Variants in ATXN2 observed in about 807,000 individuals in gnomAD.
ATXN2 encodes ataxin-2.
In ATXN2, 37 loss-of-function variants were observed where a neutral mutation model predicts 138.6. The observed-to-expected ratio is 0.27, with a 90% confidence interval of 0.21 to 0.35. The LOEUF is 0.35. ATXN2 is among the 10% of genes least tolerant of loss of function. The probability of loss-of-function intolerance (pLI) is 1.00; values close to 1 mark genes in which losing one functional copy is unlikely to be tolerated. For missense variants in ATXN2, 1,216 were observed against 1,480.3 expected (o/e 0.82, Z 2.93); for synonymous variants, 549 against 543.7 (o/e 1.01, Z -0.13).
At chr12:111,580,804 G>A (rs1003124197) in intron 1 of ATXN2, among the ~76,000 whole-genome samples, 3 of 151,672 alleles carry the variant, frequency 2.0e-5, no homozygotes, top group Admixed American at 6.6e-5. Context: ...GAGGCAGCGG[G>A]GAGGGGAAAA....
chr12:111,571,328 G>C (rs1218231965), intron 1 of ATXN2, among the ~76,000 whole-genome samples: 2 of 152,214 alleles, frequency 1.3e-5, no homozygotes, highest in East Asian at 3.8e-4. Context: ...CCACAAAACA[G>C]TGTGAGGGAA....
Position 111,453,653 on chromosome 12 carries a change from G to A in ATXN2, c.3439+24C>T, listed in dbSNP as rs370303034. 12 of 1,534,306 alleles carry A rather than the reference G, an allele frequency of 7.8e-6. No homozygotes were observed. Among genetic ancestry groups the A allele is most frequent in the Admixed American group, 2.1e-5 (1 of 47,388 alleles). The stretch of plus-strand genomic sequence containing the variant: ...GCAGAATGCTTTGGGGTGCCCCGGC[G>A]GCCCCTGCACACACACGCCTCACCT... On this transcript the variant is annotated intron_variant, in intron 24 of 24. Transcript: ENST00000673436. The surrounding 1 kb of genome is among the most constrained non-coding windows in gnomAD (Gnocchi z 5.4).
intron 5 of ATXN2, among the ~76,000 whole-genome samples, chr12:111,545,710 G>A (rs1881766600): frequency 6.6e-6 from 1 of 152,162 alleles, no homozygotes; most frequent in Admixed American, 6.5e-5. Flanking sequence ...TGTAATCCCA[G>A]GACTTTGGGA....
At position 111,462,963 on chromosome 12, in the gene ATXN2, CAT is replaced by C. The variant is rs371550351; in HGVS notation, c.2896+1697_2896+1698del. Among the ~76,000 whole-genome samples, 266 of 148,196 alleles carry C rather than the reference CAT, an allele frequency of 1.8e-3. 1 individual carries two copies. Among genetic ancestry groups the C allele is most frequent in the African/African-American group, 4.7e-3 (185 of 39,728 alleles). On this transcript the variant is annotated intron_variant, in intron 21 of 24. Transcript: ENST00000673436. ...CAAATAAATTATATATACACACATACATATATATATATATACACACACACACA... is the reference window on the plus strand; with the variant it reads ...CAAATAAATTATATATACACACATACATATATATATATACACACACACACA...
chr12:111,529,317 T>C (rs1397084202), intron 5 of ATXN2, among the ~76,000 whole-genome samples: 5 of 151,832 alleles, frequency 3.3e-5, no homozygotes, highest in African/African-American at 9.7e-5. Flanking sequence ...AACAAAAGCA[T>C]TGTAACAACA....
Position 111,597,653 on chromosome 12 carries a change from C to T in ATXN2, c.251+1131G>A, listed in dbSNP as rs1372971143. 1.7e-5 allele frequency: 8 copies of T among 458,450 alleles called. No homozygotes were observed. The East Asian group carries it at 2.1e-4, about 12-fold the overall frequency. 28.4% of individuals were successfully genotyped at this position (458,450 alleles called of 1,614,324 possible). A position where few individuals can be genotyped will look rare whatever the true frequency, so the allele number is the denominator to read the frequency against. On this transcript the variant is annotated intron_variant, in intron 1 of 24. Coordinates refer to ENST00000673436, the MANE Select transcript of ATXN2 (RefSeq NM_001372574.1). ...AACAGGCCCTCCTGCACAAACACAC[C>T]CTCGAGTCAAACCCAGTTAGCCGGG... is the stretch of plus-strand genomic sequence containing the variant.
At chr12:111,536,382 AT>A (rs1881177235) in intron 5 of ATXN2, among the ~76,000 whole-genome samples, 1 of 152,186 alleles carries the variant, frequency 6.6e-6, no homozygotes. Context: ...GAAAAAAAAA[AT>A]CTACAGTGAG....
chr12:111,490,212 TAA>T (rs77519297), intron 14 of ATXN2, among the ~76,000 whole-genome samples: 21 of 120,394 alleles, frequency 1.7e-4, no homozygotes, highest in Non-Finnish European at 1.8e-4. Flanking sequence ...ATCTAAAAAT[TAA>T]AAAAAAAAAA....
rs1403412784 is a variant in ATXN2, at chr12:111,462,971, T to TACACAC, written c.2896+1690_2896+1691insGTGTGT. The stretch of plus-strand genomic sequence containing the variant: ...TTATATATACACACATACATATATA[T>TACACAC]ATATATACACACACACACACACACA... On this transcript the variant is annotated intron_variant, in intron 21 of 24. Coordinates refer to ENST00000673436, the MANE Select transcript of ATXN2 (RefSeq NM_001372574.1). Among the ~76,000 whole-genome samples, 57 of 136,556 alleles carry TACACAC rather than the reference T, an allele frequency of 4.2e-4. 1 individual carries two copies. The highest frequency in any genetic ancestry group is 1.8e-3 in the Admixed American group (24 of 13,694). 89.6% of individuals were successfully genotyped at this position (136,556 alleles called of 152,430 possible).
At chr12:111,549,602 T>C (rs1263957975) in intron 5 of ATXN2, among the ~76,000 whole-genome samples, 1 of 152,118 alleles carries the variant, frequency 6.6e-6, no homozygotes, top group East Asian at 1.9e-4. Context: ...TCCATACTGA[T>C]AGTACTTCCT....
rs1472453289 is a variant in ATXN2 at position 111,599,258 on chromosome 12, G to GCGC, written c.-227_-225dup. On this transcript the variant is annotated 5_prime_UTR_variant, in exon 1 of 25. Transcript: ENST00000673436. ...GAGCCGCCGGGAGCCGGGCCGAAAC[G>GCGC]CGCCGCCGCCGTTGCCGTTGCTACC... 8.6e-6 allele frequency: 10 copies of GCGC among 1,168,950 alleles called. No individual in the cohort carries two copies. In the African/African-American group the frequency reaches 1.6e-4, roughly 19 times the overall value. 72.4% of individuals were successfully genotyped at this position (1,168,950 alleles called of 1,614,324 possible). A position where few individuals can be genotyped will look rare whatever the true frequency, so the allele number is the denominator to read the frequency against.
chr12:111,557,220 T>G (rs1260222139), intron 1 of ATXN2, among the ~76,000 whole-genome samples: 1 of 152,144 alleles, frequency 6.6e-6, no homozygotes, highest in Non-Finnish European at 1.5e-5. Context: ...TTCAAAACAT[T>G]CAAGGAAAAG....
chr12:111,567,611 C>T (rs1056533499), intron 1 of ATXN2, among the ~76,000 whole-genome samples: 1 of 151,906 alleles, frequency 6.6e-6, no homozygotes, highest in Non-Finnish European at 1.5e-5. Flanking sequence ...GTCAGGAATT[C>T]GAGACCAGCC....
intron 18 of ATXN2, 54 bp from the exon 19 acceptor site, chr12:111,470,796 A>T: frequency 6.4e-7 from 1 of 1,565,522 alleles, no homozygotes; most frequent in Non-Finnish European, 8.7e-7. Context: ...AGCATAATAC[A>T]TGTGTTCACA....
At chr12:111,559,806 A>C (rs1216304580) in intron 1 of ATXN2, among the ~76,000 whole-genome samples, 5 of 151,710 alleles carry the variant, frequency 3.3e-5, no homozygotes, top group South Asian at 2.1e-4. Context: ...AAAAAAAAAA[A>C]CACTTAATAC....
At position 111,553,009 on chromosome 12, in the gene ATXN2, C is replaced by T; in HGVS notation, c.349-32G>A. 4 of 1,395,188 alleles carry T rather than the reference C, an allele frequency of 2.9e-6. No individual in the cohort carries two copies. In the African/African-American group the frequency reaches 6.0e-5, roughly 21 times the overall value. 86.4% of individuals were successfully genotyped at this position (1,395,188 alleles called of 1,614,324 possible). On this transcript the variant is annotated intron_variant, in intron 3 of 24. Coordinates refer to ENST00000673436, the MANE Select transcript of ATXN2 (RefSeq NM_001372574.1). ...ACATATAATTTATTTATCAAAGAAA[C>T]AGTATACTACCCGGTCACCAGGGAT...
intron 20 of ATXN2, chr12:111,469,182 T>C (rs1469344715): frequency 1.3e-5 from 2 of 152,208 alleles, no homozygotes; most frequent in African/African-American, 4.8e-5. Flanking sequence ...TTCAACTGTA[T>C]GAATAAACCA....
intron 14 of ATXN2, among the ~76,000 whole-genome samples, chr12:111,489,486 G>A (rs1376250246): frequency 6.6e-6 from 1 of 152,012 alleles, no homozygotes; most frequent in Admixed American, 6.6e-5. Context: ...GGTGGCAGGC[G>A]CCTATAGTCC....
chr12:111,464,621 T>G, intron 21 of ATXN2, 41 bp downstream of exon 21: 2 of 1,511,662 alleles, frequency 1.3e-6, no homozygotes, highest in Non-Finnish European at 1.8e-6. Flanking sequence ...AAAAAGTGTT[T>G]TACTGTACAA....
Sources: gnomAD v4.1 joint callset for allele counts (sites outside exome capture counted in the v4.1 genomes callset) on GRCh38, gnomAD v4.1.1 for gene constraint, Gnocchi (gnomAD v3.1) non-coding constraint, MANE v1.5 for transcripts, NCBI Gene and HGNC (gene_info 2026-07-23, HGNC 2026-07-21) for gene names.